FGF12: variants seen among roughly 807,000 people sequenced by gnomAD.
FGF12 encodes fibroblast growth factor 12B.
In FGF12, 14 loss-of-function variants were observed where a neutral mutation model predicts 23.6. The ratio of observed to expected loss-of-function variants is 0.59; its 90% CI spans 0.39 to 0.93. FGF12 has a LOEUF of 0.93. Among genes scored for constraint, FGF12 ranks in the 40% least tolerant of loss-of-function variants. The probability of loss-of-function intolerance (pLI) is 0.00; values close to 1 mark genes in which losing one functional copy is unlikely to be tolerated. For synonymous variants in FGF12, 62 were observed against 77.3 expected (o/e 0.80, Z 1.04); for missense variants, 175 against 217.8 (o/e 0.80, Z 1.24).
At chr3:192,159,178 A>T (rs1714724034) in intron 5 of FGF12, among the ~76,000 whole-genome samples, 1 of 152,148 alleles carries the variant, frequency 6.6e-6, no homozygotes, top group African/African-American at 2.4e-5. Flanking sequence ...GCCTCCAGTT[A>T]TCATTTAATT....
intron 2 of FGF12, among the ~76,000 whole-genome samples, chr3:192,660,507 TA>T (rs1379594410): frequency 3.0e-3 from 366 of 121,206 alleles, no homozygotes; most frequent in Middle Eastern, 4.0e-3. Context: ...ACTTAAAGTA[TA>T]AAAAAAAAAA....
chr3:192,614,934 T>C (rs1714692204), intron 2 of FGF12, among the ~76,000 whole-genome samples: 1 of 152,022 alleles, frequency 6.6e-6, no homozygotes, highest in South Asian at 2.1e-4. Flanking sequence ...CAGGGGTTTT[T>C]TTCTCCATTA....
chr3:192,663,859 T>C (rs1716758871), intron 2 of FGF12, among the ~76,000 whole-genome samples: 1 of 152,188 alleles, frequency 6.6e-6, no homozygotes, highest in African/African-American at 2.4e-5. Context: ...CTGACAATAA[T>C]GGTGACAACA....
rs999144514 is a variant in FGF12, at chr3:192,327,052, G to A, written c.228+8309C>T. Among the ~76,000 whole-genome samples the A allele has an allele frequency of 2.0e-5, 3 of 152,170 alleles. No homozygotes were observed. In the East Asian group the frequency reaches 5.8e-4, roughly 29 times the overall value. ...ATGAAAAGCTCATGGTTGTGGACGTGAAGACCTAGATTTCAACTCTAGTTC... is the reference window on the plus strand; with the variant it reads ...ATGAAAAGCTCATGGTTGTGGACGTAAAGACCTAGATTTCAACTCTAGTTC... On this transcript the variant is annotated intron_variant, in intron 4 of 5. Transcript: ENST00000445105.
At chr3:192,560,979 A>G (rs1171817278) in intron 2 of FGF12, among the ~76,000 whole-genome samples, 1 of 152,240 alleles carries the variant, frequency 6.6e-6, no homozygotes, top group African/African-American at 2.4e-5. Context: ...AAAAAGGAAT[A>G]AAGTATTGAC....
chr3:192,617,601 A>G (rs897715056), intron 2 of FGF12, among the ~76,000 whole-genome samples: 1 of 152,084 alleles, frequency 6.6e-6, no homozygotes, highest in African/African-American at 2.4e-5. Context: ...ATCCCTCTCA[A>G]ACTTACATAA....
chr3:192,395,931 G>C (rs959414154), intron 2 of FGF12, among the ~76,000 whole-genome samples: 1 of 152,204 alleles, frequency 6.6e-6, no homozygotes, highest in Non-Finnish European at 1.5e-5. Context: ...AACTGAAATG[G>C]ATAGATGCAG....
intron 4 of FGF12, among the ~76,000 whole-genome samples, chr3:192,293,148 AAG>A (rs1714848798): frequency 6.6e-6 from 1 of 152,172 alleles, no homozygotes; most frequent in African/African-American, 2.4e-5. Flanking sequence ...ACATCTGAGA[AAG>A]AGATATTAAA....
intron 2 of FGF12, among the ~76,000 whole-genome samples, chr3:192,375,347 C>T (rs1359021893): frequency 6.6e-6 from 1 of 152,088 alleles, no homozygotes; most frequent in Admixed American, 6.6e-5. Context: ...GATTTAGTCT[C>T]CCTTATACTC....
chr3:192,156,182 T>C (rs535315584), intron 5 of FGF12, among the ~76,000 whole-genome samples: 5 of 152,208 alleles, frequency 3.3e-5, no homozygotes, highest in Non-Finnish European at 7.3e-5. Flanking sequence ...CAGTAATTTC[T>C]AGACTGGAAA....
Position 192,409,921 on chromosome 3 carries a change from C to T in FGF12, c.14-49383G>A. ...GGCGCCCCCCGCCGCCGCGCCGCCG[C>T]CTCCCCAGGCCCGGGAGGGGGCGCT... On this transcript the variant is annotated intron_variant, in intron 2 of 5. Transcript: ENST00000445105. The surrounding 1 kb of genome is among the most constrained non-coding windows in gnomAD (Gnocchi z 4.8). Among the ~76,000 whole-genome samples, 1 of 151,930 alleles carries T rather than the reference C, an allele frequency of 6.6e-6. No individual in the cohort carries two copies. Among genetic ancestry groups the T allele is most frequent in the Non-Finnish European group, 1.5e-5 (1 of 67,932 alleles).
intron 2 of FGF12, among the ~76,000 whole-genome samples, chr3:192,691,253 G>A (rs973184868): frequency 7.2e-5 from 11 of 151,956 alleles, no homozygotes; most frequent in Admixed American, 3.3e-4. Flanking sequence ...AATGGCACAC[G>A]GAACATTGTC....
At chr3:192,698,722 G>A (rs1427166554) in intron 2 of FGF12, among the ~76,000 whole-genome samples, 2 of 152,068 alleles carry the variant, frequency 1.3e-5, no homozygotes, top group African/African-American at 4.8e-5. Flanking sequence ...TTATATTCCT[G>A]TCAGCTTTAT....
At chr3:192,373,063 G>A (rs536039479) in intron 2 of FGF12, among the ~76,000 whole-genome samples, 4 of 151,208 alleles carry the variant, frequency 2.6e-5, no homozygotes, top group East Asian at 3.9e-4. Flanking sequence ...TAAATCTGCC[G>A]CCACGTTTGT....
At chr3:192,277,831 C>T (rs904339753) in intron 4 of FGF12, among the ~76,000 whole-genome samples, 3 of 152,160 alleles carry the variant, frequency 2.0e-5, no homozygotes, top group Admixed American at 6.5e-5. Context: ...GGTGCGATCT[C>T]AGCCCACTGC....
intron 2 of FGF12, among the ~76,000 whole-genome samples, chr3:192,531,154 G>T (rs1004994972): frequency 3.9e-5 from 6 of 152,116 alleles, no homozygotes; most frequent in Non-Finnish European, 5.9e-5. Flanking sequence ...ATATTGGACA[G>T]CAAGATAGTT....
At position 192,154,651 on chromosome 3, in the gene FGF12, TGAG is replaced by T. The variant is rs1185751377; in HGVS notation, c.428-10527_428-10525del. ...GGGGGTCAGGGGTCAGGGACCCACT[TGAG>T]GAGGTAGTCTGCCCGTTCTCAGATC... On this transcript the variant is annotated intron_variant, in intron 5 of 5. Transcript: ENST00000445105. Among the ~76,000 whole-genome samples, 63 of 147,382 alleles carry T rather than the reference TGAG, an allele frequency of 4.3e-4. 1 individual carries two copies. Among genetic ancestry groups the T allele is most frequent in the Admixed American group, 9.5e-4 (14 of 14,732 alleles).
At chr3:192,566,401 A>G (rs1712281109) in intron 2 of FGF12, among the ~76,000 whole-genome samples, 1 of 152,246 alleles carries the variant, frequency 6.6e-6, no homozygotes, top group African/African-American at 2.4e-5. Context: ...TCCAGACAGA[A>G]AGAAACAAAG....
At chr3:192,503,575 GTT>G (rs150929471) in intron 2 of FGF12, among the ~76,000 whole-genome samples, 106,199 of 135,912 alleles carry the variant, frequency 0.78, 41,538 homozygotes, top group East Asian at 0.85. Flanking sequence ...TTTTGTTTTG[GTT>G]TTTTTTTTTT....
Sources: allele counts gnomAD v4.1 joint callset (sites outside exome capture counted in the v4.1 genomes callset), GRCh38; gene constraint gnomAD v4.1.1; non-coding constraint Gnocchi (gnomAD v3.1); transcripts MANE v1.5; gene names NCBI Gene and HGNC (gene_info 2026-07-23, HGNC 2026-07-21).